The following MAML2 variants were observed in gnomAD, a reference collection of about 807,000 sequenced individuals.
MAML2 encodes the protein mastermind like transcriptional coactivator 2, also known as mastermind-like protein 2.
MAML2 carries 22 observed loss-of-function variants against 96.1 expected under a neutral mutation model. The observed-to-expected ratio is 0.23, with a 90% CI of 0.16 to 0.33. The LOEUF is 0.33. Ranked by LOEUF, MAML2 falls within the 10% of genes least tolerant of loss-of-function variation. The pLI, the probability that MAML2 is intolerant of heterozygous loss-of-function variation, is 1.00. For synonymous variants in MAML2, 561 were observed against 521.3 expected, an observed-to-expected ratio of 1.08 and a Z score of -1.04; for missense variants, 1,367 against 1,392.4, an observed-to-expected ratio of 0.98 and a Z score of 0.29.
chr11:96,053,428 G>A (rs1244687682), intron 2 of MAML2, among the ~76,000 whole-genome samples: 2 of 152,198 alleles, frequency 1.3e-5, no homozygotes, highest in South Asian at 2.1e-4. Context: ...TCTTCTCCCC[G>A]ACTTTCTTCC....
intron 1 of MAML2, among the ~76,000 whole-genome samples, chr11:96,096,430 A>G (rs974525154): frequency 7.9e-5 from 12 of 152,240 alleles, no homozygotes; most frequent in Admixed American, 2.6e-4. Flanking sequence ...ACAACTCTAT[A>G]TAAAGTTGAT....
intron 1 of MAML2, among the ~76,000 whole-genome samples, chr11:96,313,943 G>A (rs1056384219): frequency 6.6e-6 from 1 of 152,182 alleles, no homozygotes; most frequent in Non-Finnish European, 1.5e-5. Context: ...TGAATCAGGT[G>A]ATTTAAGTAC....
At chr11:96,339,799 AC>A (rs1307229667) in intron 1 of MAML2, among the ~76,000 whole-genome samples, 1 of 151,902 alleles carries the variant, frequency 6.6e-6, no homozygotes, top group Non-Finnish European at 1.5e-5. Flanking sequence ...GCGATTCTTT[AC>A]CCCCCTCCTT....
chr11:96,081,312 A>ATTCATAATATTCATTATGAATATGAATG (rs1859526083), intron 2 of MAML2, among the ~76,000 whole-genome samples: 1 of 152,214 alleles, frequency 6.6e-6, no homozygotes, highest in Non-Finnish European at 1.5e-5. Context: ...GAATATGAAT[A>ATTCATAATATTCATTATGAATATGAATG]TTTATAATAT....
At chr11:96,290,244 C>T (rs1863190997) in intron 1 of MAML2, among the ~76,000 whole-genome samples, 1 of 152,162 alleles carries the variant, frequency 6.6e-6, no homozygotes, top group African/African-American at 2.4e-5. Flanking sequence ...AACAGAGATA[C>T]AGTTACTCTT....
At chr11:96,079,936 G>A (rs562527876) in intron 2 of MAML2, among the ~76,000 whole-genome samples, 9 of 152,276 alleles carry the variant, frequency 5.9e-5, no homozygotes, top group Non-Finnish European at 2.9e-5. Context: ...GAGATGAGAT[G>A]TATCAGTGTG....
At chr11:96,252,196 C>A (rs1323185645) in intron 1 of MAML2, among the ~76,000 whole-genome samples, 1 of 151,332 alleles carries the variant, frequency 6.6e-6, no homozygotes, top group African/African-American at 2.4e-5. Context: ...CACACACACC[C>A]CACACACACA....
chr11:96,334,292 A>G (rs1863889806), intron 1 of MAML2, among the ~76,000 whole-genome samples: 2 of 152,222 alleles, frequency 1.3e-5, no homozygotes. Context: ...ATGTTACTTC[A>G]CACACTAATA....
chr11:96,333,609 G>A (rs1253913014), intron 1 of MAML2, among the ~76,000 whole-genome samples: 1 of 152,184 alleles, frequency 6.6e-6, no homozygotes, highest in Non-Finnish European at 1.5e-5. Flanking sequence ...ATTCTGAGGT[G>A]AGAGCCACAT....
intron 1 of MAML2, among the ~76,000 whole-genome samples, chr11:96,150,153 C>T (rs1458935911): frequency 2.0e-5 from 3 of 152,140 alleles, no homozygotes; most frequent in African/African-American, 7.2e-5. Flanking sequence ...AAAGTTATTG[C>T]CATCACAGCA....
intron 1 of MAML2, among the ~76,000 whole-genome samples, chr11:96,315,603 T>A (rs1863620012): frequency 6.6e-6 from 1 of 152,200 alleles, no homozygotes; most frequent in African/African-American, 2.4e-5. Context: ...TTCAAAGGGT[T>A]CTAATGGTCT....
Position 96,092,845 on chromosome 11 carries a change from A to T in MAML2, c.1186T>A (p.Ser396Thr). 6.2e-7 allele frequency: 1 copy of T among 1,608,390 alleles called. No homozygotes were observed. The highest frequency in any genetic ancestry group is 8.5e-7 in the Non-Finnish European group (1 of 1,176,806). ...SAGPAFSMAN[S>T]ALSTSSPIPS... Reference sequence around the variant, plus strand: ...ATTGGAGACGAAGTGGAGAGGGCAGAGTTGGCCATGGAGAATGCGGGGCCA... The same window carrying T: ...ATTGGAGACGAAGTGGAGAGGGCAGTGTTGGCCATGGAGAATGCGGGGCCA... Residue 396 changes from serine to threonine, a missense_variant, in exon 2 of 5, where the codon TCT becomes ACT. Physicochemically the swap from Ser to Thr is moderately conservative, Grantham distance 58. Transcript: ENST00000524717. The surrounding 1 kb of genome is among the most constrained non-coding windows in gnomAD (Gnocchi z 4.1).
intron 1 of MAML2, among the ~76,000 whole-genome samples, chr11:96,211,219 G>A (rs1231573985): frequency 6.6e-6 from 1 of 152,102 alleles, no homozygotes; most frequent in Non-Finnish European, 1.5e-5. Context: ...ATCTTGATGT[G>A]ATATCAACAC....
At chr11:96,142,836 C>A (rs1171250271) in intron 1 of MAML2, among the ~76,000 whole-genome samples, 1 of 152,130 alleles carries the variant, frequency 6.6e-6, no homozygotes, top group Non-Finnish European at 1.5e-5. Context: ...TAATAGGTTT[C>A]AGAATAAGAA....
intron 1 of MAML2, among the ~76,000 whole-genome samples, chr11:96,202,177 CAAAAAAAA>C (rs35124521): frequency 7.0e-4 from 53 of 75,864 alleles, no homozygotes; most frequent in South Asian, 3.4e-3. Context: ...ACTAAAAATA[CAAAAAAAA>C]AAAAAAAAAA....
intron 1 of MAML2, among the ~76,000 whole-genome samples, chr11:96,337,682 T>G (rs1289904071): frequency 6.6e-6 from 1 of 152,210 alleles, no homozygotes; most frequent in Admixed American, 6.5e-5. Flanking sequence ...AATCCCTCTA[T>G]TTACAATAAG....
At position 96,295,455 on chromosome 11, in the gene MAML2, T is replaced by C. The variant is rs932040170; in HGVS notation, c.513+45928A>G. Among the ~76,000 whole-genome samples, 4 of 152,312 alleles carry C rather than the reference T, an allele frequency of 2.6e-5. 1 individual carries two copies. The East Asian group carries it at 7.7e-4, about 29-fold the overall frequency. ...ACTATAAACAGAAGTTGACGCACGC[T>C]AAGGTACTCTGCTGAAGGCCTAAGA... On this transcript the variant is annotated intron_variant, in intron 1 of 4. Coordinates refer to ENST00000524717, the MANE Select transcript of MAML2 (RefSeq NM_032427.4).
At chr11:96,161,419 T>C (rs1049638456) in intron 1 of MAML2, among the ~76,000 whole-genome samples, 1 of 152,230 alleles carries the variant, frequency 6.6e-6, no homozygotes, top group Non-Finnish European at 1.5e-5. Context: ...CGGATCTTTT[T>C]CAGTCTCTTA....
At chr11:96,026,269 A>G (rs1412315281) in intron 2 of MAML2, among the ~76,000 whole-genome samples, 1 of 152,246 alleles carries the variant, frequency 6.6e-6, no homozygotes, top group East Asian at 1.9e-4. Context: ...CCCTGCGGCT[A>G]AAGTTTGCTG....
Sources: gnomAD v4.1 joint callset for allele counts (sites outside exome capture counted in the v4.1 genomes callset) on GRCh38, gnomAD v4.1.1 for gene constraint, Gnocchi (gnomAD v3.1) non-coding constraint, MANE v1.5 for transcripts, NCBI Gene and HGNC (gene_info 2026-07-23, HGNC 2026-07-21) for gene names.